UTRN: variants seen among roughly 807,000 people sequenced by gnomAD.
The protein encoded by UTRN is dystrophin-related protein 1.
Under a neutral mutation model 463.9 loss-of-function variants are expected in UTRN, and 283 were observed. The ratio of observed to expected loss-of-function variants is 0.61; its 90% CI spans 0.55 to 0.67. The LOEUF is 0.67. UTRN is among the 30% of genes least tolerant of loss of function. The pLI is 0.00. For missense variants in UTRN, 3,922 were observed against 4,084.3 expected, an observed-to-expected ratio of 0.96 and a Z score of 1.08; for synonymous variants, 1,442 against 1,431.5, an observed-to-expected ratio of 1.01 and a Z score of -0.17.
At chr6:144,612,870 C>T (rs1367097878) in intron 51 of UTRN, among the ~76,000 whole-genome samples, 2 of 152,020 alleles carry the variant, frequency 1.3e-5, no homozygotes, top group South Asian at 2.1e-4. Context: ...TCCAAAGAAA[C>T]TGCAATCAGT....
intron 54 of UTRN, among the ~76,000 whole-genome samples, chr6:144,738,767 A>T (rs1188046764): frequency 6.6e-6 from 1 of 152,236 alleles, no homozygotes; most frequent in Non-Finnish European, 1.5e-5. Flanking sequence ...AATCATCTTT[A>T]AAAATTATTC....
intron 21 of UTRN, among the ~76,000 whole-genome samples, chr6:144,459,681 C>T (rs1316898337): frequency 6.6e-6 from 1 of 152,104 alleles, no homozygotes; most frequent in Non-Finnish European, 1.5e-5. Flanking sequence ...GTCTTGACCT[C>T]CTGGGTTTCA....
intron 2 of UTRN, among the ~76,000 whole-genome samples, chr6:144,295,694 C>T (rs1285320413): frequency 6.6e-6 from 1 of 152,202 alleles, no homozygotes; most frequent in African/African-American, 2.4e-5. Flanking sequence ...TGCACACCTC[C>T]AATGATGGCA....
chr6:144,610,824 G>A (rs1266966354), intron 51 of UTRN, among the ~76,000 whole-genome samples: 1 of 152,128 alleles, frequency 6.6e-6, no homozygotes, highest in Admixed American at 6.5e-5. Flanking sequence ...GCAGTGAGCC[G>A]AGATTGCACC....
chr6:144,634,175 A>T (rs1457817166), intron 51 of UTRN, among the ~76,000 whole-genome samples: 1 of 152,228 alleles, frequency 6.6e-6, no homozygotes, highest in East Asian at 1.9e-4. Context: ...CTTCGCAGTG[A>T]TCAAGAATTC....
intron 2 of UTRN, among the ~76,000 whole-genome samples, chr6:144,343,546 GA>G (rs1183869867): frequency 6.7e-6 from 1 of 149,576 alleles, no homozygotes. Context: ...GGTGACGAGT[GA>G]AAAAAAAATA....
chr6:144,644,601 T>C (rs1400632147), intron 51 of UTRN, among the ~76,000 whole-genome samples: 1 of 152,210 alleles, frequency 6.6e-6, no homozygotes, highest in African/African-American at 2.4e-5. Flanking sequence ...CTTTATATTT[T>C]TTTCCCTGGC....
At chr6:144,645,968 G>T (rs950656782) in intron 51 of UTRN, among the ~76,000 whole-genome samples, 2 of 152,074 alleles carry the variant, frequency 1.3e-5, no homozygotes, top group African/African-American at 2.4e-5. Context: ...CACTCTAGGG[G>T]TTCATTTCTC....
intron 60 of UTRN, among the ~76,000 whole-genome samples, chr6:144,779,550 C>T (rs1324557382): frequency 6.6e-6 from 1 of 152,020 alleles, no homozygotes; most frequent in African/African-American, 2.4e-5. Context: ...GGTCTTCATC[C>T]TTGTTGACTT....
chr6:144,391,440 G>A (rs866966162), intron 2 of UTRN, among the ~76,000 whole-genome samples: 4 of 152,076 alleles, frequency 2.6e-5, no homozygotes, highest in South Asian at 2.1e-4. Flanking sequence ...TTGATTATGC[G>A]TAATTATAAA....
At chr6:144,497,157 T>G (rs1042918675) in intron 33 of UTRN, among the ~76,000 whole-genome samples, 5 of 152,156 alleles carry the variant, frequency 3.3e-5, no homozygotes, top group African/African-American at 1.2e-4. Context: ...GGAGGGAGGC[T>G]GGAGTGGATG....
chr6:144,414,793 G>A (rs1784231380), intron 3 of UTRN, among the ~76,000 whole-genome samples: 1 of 149,780 alleles, frequency 6.7e-6, no homozygotes, highest in East Asian at 2.0e-4. Context: ...TTGGTTCACT[G>A]CAACCTCCGC....
At chr6:144,461,411 GTT>G in intron 22 of UTRN, 69 bp downstream of exon 22, 1 of 1,337,666 alleles carries the variant, frequency 7.5e-7, no homozygotes, top group South Asian at 2.6e-5. Flanking sequence ...ATTTTGAAAT[GTT>G]TTTTCAGAGA....
chr6:144,557,053 T>A (rs568666613), intron 49 of UTRN, 104 bp from the exon 50 acceptor site: 20 of 1,387,306 alleles, frequency 1.4e-5, no homozygotes, highest in Non-Finnish European at 1.8e-5. Context: ...TCCTGTGATA[T>A]CTGTATCTAA....
At position 144,500,972 on chromosome 6, in the gene UTRN, A is replaced by G. The variant is rs1227842000; in HGVS notation, c.4764+1545A>G. Among the ~76,000 whole-genome samples the G allele has an allele frequency of 2.0e-5, 3 of 152,120 alleles. No individual in the cohort carries two copies. In the East Asian group the frequency reaches 5.8e-4, roughly 29 times the overall value. On this transcript the variant is annotated intron_variant, in intron 34 of 74. Transcript: ENST00000367545. ...ATATAAAGCCACAAGTATCAGTTTGACACCCTCTACAGCTCTACACGTTTG... is the reference window on the plus strand; with the variant it reads ...ATATAAAGCCACAAGTATCAGTTTGGCACCCTCTACAGCTCTACACGTTTG...
chr6:144,689,087 A>G (rs1231531616), intron 52 of UTRN, among the ~76,000 whole-genome samples: 5 of 152,166 alleles, frequency 3.3e-5, no homozygotes, highest in Non-Finnish European at 5.9e-5. Flanking sequence ...GATGACACAG[A>G]TACCTCTTTC....
intron 2 of UTRN, 64 bp from the exon 3 acceptor site, chr6:144,403,059 T>A (rs1783065480): frequency 2.1e-6 from 3 of 1,436,600 alleles, no homozygotes; most frequent in Non-Finnish European, 2.9e-6. Context: ...TAACCTTATT[T>A]GGTGCTTTAC....
chr6:144,509,565 T>C (rs950429159), intron 34 of UTRN, among the ~76,000 whole-genome samples: 3 of 152,098 alleles, frequency 2.0e-5, no homozygotes, highest in African/African-American at 7.2e-5. Context: ...CAGCACATTC[T>C]CTTCATTAGA....
chr6:144,579,954 C>T (rs1032176855), intron 51 of UTRN, among the ~76,000 whole-genome samples: 4 of 152,126 alleles, frequency 2.6e-5, no homozygotes, highest in African/African-American at 9.7e-5. Context: ...TCTCTCCATT[C>T]TATTTTTAAA....
Sources: gnomAD v4.1 joint callset for allele counts (sites outside exome capture counted in the v4.1 genomes callset) on GRCh38, gnomAD v4.1.1 for gene constraint, MANE v1.5 for transcripts, NCBI Gene and HGNC (gene_info 2026-07-23, HGNC 2026-07-21) for gene names.